ITK: variants seen among roughly 807,000 people sequenced by gnomAD.
The protein encoded by ITK is IL2 inducible T cell kinase, also known as tyrosine-protein kinase ITK/TSK.
In ITK, 45 loss-of-function variants were observed where a neutral mutation model predicts 87.6. The observed-to-expected ratio is 0.51, with a 90% CI of 0.40 to 0.66. ITK has a LOEUF of 0.66. Ranked by LOEUF, ITK falls within the 30% of genes least tolerant of loss-of-function variation. ITK has a pLI of 0.00. For missense variants in ITK, 605 were observed against 766.3 expected (o/e 0.79, Z 2.48); for synonymous variants, 303 against 273.6 (o/e 1.11, Z -1.06).
intron 1 of ITK, among the ~76,000 whole-genome samples, chr5:157,207,024 T>C (rs1194137261): frequency 6.6e-6 from 1 of 152,210 alleles, no homozygotes; most frequent in Middle Eastern, 3.2e-3. Context: ...TTAATAAAGC[T>C]GATTTTTAAA....
At chr5:157,190,454 C>T (rs1389098615) in intron 1 of ITK, among the ~76,000 whole-genome samples, 2 of 152,156 alleles carry the variant, frequency 1.3e-5, no homozygotes, top group African/African-American at 4.8e-5. Flanking sequence ...ATGTGAGGAA[C>T]GCAGTGGTAA....
chr5:157,242,960 C>A (rs1375508245), intron 11 of ITK, among the ~76,000 whole-genome samples: 2 of 152,320 alleles, frequency 1.3e-5, no homozygotes, highest in East Asian at 3.9e-4. Flanking sequence ...CCAGACCAAG[C>A]ACTGGGGAAA....
rs139655611 is a variant in ITK, at chr5:157,215,877, C to T, written c.454+1558C>T. ...CATGCATGCTGCAGCTATTCCTCTT[C>T]GGGGCGCAAGTATTTCCCTCCTCCA... On this transcript the variant is annotated intron_variant, in intron 4 of 16. Transcript: ENST00000422843. 1.7e-3 allele frequency among the ~76,000 whole-genome samples: 263 copies of T among 152,330 alleles called. 6 individuals are homozygous for T. Among genetic ancestry groups the T allele is most frequent in the Middle Eastern group, 6.8e-3 (2 of 294 alleles).
chr5:157,229,405 T>C (rs758085326), intron 7 of ITK, among the ~76,000 whole-genome samples: 4 of 152,240 alleles, frequency 2.6e-5, no homozygotes, highest in Non-Finnish European at 4.4e-5. Context: ...TTGTGTCTCC[T>C]TATGTGATGC....
chr5:157,214,279 G>A lies in ITK; in HGVS notation c.414G>A (p.Lys138=), dbSNP rs374781246. 23 of 1,612,676 alleles carry A rather than the reference G, an allele frequency of 1.4e-5. No individual in the cohort carries two copies. The highest frequency in any genetic ancestry group is 2.0e-5 in the Non-Finnish European group (23 of 1,178,762). The change falls in exon 4 of 17, where the codon AAG becomes AAA. Residue 138 remains lysine, a synonymous_variant. Transcript: ENST00000422843. ...GKWRCCSQLE[K]LATGCAQYDP... ...GGAGGTGCTGTTCTCAGCTGGAGAA[G>A]CTTGCAACAGGCTGTGCCCAATATG...
chr5:157,202,563 A>G (rs1301944367), intron 1 of ITK, among the ~76,000 whole-genome samples: 1 of 152,064 alleles, frequency 6.6e-6, no homozygotes, highest in Non-Finnish European at 1.5e-5. Context: ...GGTTAATTCT[A>G]TATCTTTGCT....
intron 1 of ITK, among the ~76,000 whole-genome samples, chr5:157,184,339 G>A (rs919557994): frequency 1.3e-5 from 2 of 152,184 alleles, no homozygotes; most frequent in Non-Finnish European, 2.9e-5. Context: ...CCAATGTGAT[G>A]TCTGCTGGCT....
At chr5:157,242,741 G>A (rs932604662) in intron 11 of ITK, among the ~76,000 whole-genome samples, 352 of 152,318 alleles carry the variant, frequency 2.3e-3, no homozygotes, top group African/African-American at 8.0e-3. Flanking sequence ...TTACAGGCAT[G>A]AGCCACTGTG....
In ITK at chr5:157,213,550, T is replaced by C. The variant is rs774584983; in HGVS notation, c.326-641T>C. 7.0e-6 allele frequency: 3 copies of C among 427,428 alleles called. 1 individual carries two copies. Among genetic ancestry groups the C allele is most frequent in the South Asian group, 4.8e-5 (3 of 62,960 alleles). 26.5% of individuals were successfully genotyped at this position (427,428 alleles called of 1,614,324 possible). ...ATGACACCATGCCCAGCTAACTTTT[T>C]TCTTTTTTTTTGGTAGAAAAGGGGT... On this transcript the variant is annotated intron_variant, in intron 3 of 16. Coordinates refer to ENST00000422843, the MANE Select transcript of ITK (RefSeq NM_005546.4).
At chr5:157,242,899 C>A (rs935455692) in intron 11 of ITK, among the ~76,000 whole-genome samples, 2 of 152,216 alleles carry the variant, frequency 1.3e-5, no homozygotes, top group African/African-American at 4.8e-5. Context: ...CTCAATACTG[C>A]CTGCTGTTGA....
intron 2 of ITK, 89 bp downstream of exon 2, chr5:157,209,082 T>C: frequency 1.1e-6 from 1 of 893,030 alleles, no homozygotes; most frequent in Non-Finnish European, 1.9e-6. Flanking sequence ...AAGCCTGTAA[T>C]CCTAGCACTT....
chr5:157,217,400 C>A (rs1281627323), intron 4 of ITK, among the ~76,000 whole-genome samples: 1 of 152,160 alleles, frequency 6.6e-6, no homozygotes, highest in Non-Finnish European at 1.5e-5. Flanking sequence ...ACTCAAAAAG[C>A]AGCACAATGA....
chr5:157,187,076 G>A (rs778612349), intron 1 of ITK, among the ~76,000 whole-genome samples: 5 of 152,190 alleles, frequency 3.3e-5, no homozygotes, highest in African/African-American at 7.2e-5. Flanking sequence ...TTTCTTCAAC[G>A]TTAAAGCCTC....
chr5:157,252,102 GTCTTCCT>G (rs1466561561), intron 16 of ITK, among the ~76,000 whole-genome samples: 1 of 152,146 alleles, frequency 6.6e-6, no homozygotes, highest in Non-Finnish European at 1.5e-5. Context: ...ACACTATAGT[GTCTTCCT>G]GTCCATGAAC....
intron 1 of ITK, among the ~76,000 whole-genome samples, chr5:157,182,656 T>C (rs1023161361): frequency 3.3e-5 from 5 of 152,200 alleles, no homozygotes; most frequent in Middle Eastern, 3.2e-3. Flanking sequence ...CTCAATGCTT[T>C]TTTGTGAATG....
Position 157,211,378 on chromosome 5 carries a change from C to T in ITK, c.325+10C>T, listed in dbSNP as rs746749131. The T allele has an allele frequency of 3.7e-6, 6 of 1,606,210 alleles. No individual in the cohort carries two copies. Among genetic ancestry groups the T allele is most frequent in the Non-Finnish European group, 5.1e-6 (6 of 1,172,858 alleles). Reference sequence around the variant, plus strand: ...CTGGCCCTTAAAGAAGGTAATTAAACTCCTTTGCCATTGAATCACTGACAC... The same window carrying T: ...CTGGCCCTTAAAGAAGGTAATTAAATTCCTTTGCCATTGAATCACTGACAC... On this transcript the variant is annotated intron_variant, in intron 3 of 16. Transcript: ENST00000422843.
intron 1 of ITK, among the ~76,000 whole-genome samples, chr5:157,188,146 C>T (rs1340057047): frequency 6.6e-6 from 1 of 152,128 alleles, no homozygotes; most frequent in Non-Finnish European, 1.5e-5. Flanking sequence ...TTACTTGTGA[C>T]ATTGAGCAGT....
In ITK at chr5:157,244,318, C is replaced by A; in HGVS notation, c.1289C>A (p.Pro430His). 2 of 1,614,190 alleles carry A rather than the reference C, an allele frequency of 1.2e-6. No individual in the cohort carries two copies. Among genetic ancestry groups the A allele is most frequent in the Non-Finnish European group, 1.7e-6 (2 of 1,180,046 alleles). ...TATGGGGTGTGCCTGGAGCAGGCCC[C>A]CATCTGCCTGGTGTTTGAGTTCATG... ...QLYGVCLEQA[P>H]ICLVFEFMEH... Residue 430 changes from proline to histidine, a missense_variant, in exon 13 of 17, where the codon CCC (proline) becomes CAC (histidine). Physicochemically the swap from Pro to His is moderately conservative, Grantham distance 77 (BLOSUM62 -2). Coordinates refer to ENST00000422843, the MANE Select transcript of ITK (RefSeq NM_005546.4).
intron 5 of ITK, 54 bp downstream of exon 5, chr5:157,217,961 G>T (rs1256456879): frequency 2.0e-6 from 3 of 1,482,038 alleles, no homozygotes; most frequent in African/African-American, 2.8e-5. Flanking sequence ...TACCTGATTG[G>T]CATGTTCCTA....
Sources: allele counts gnomAD v4.1 joint callset (sites outside exome capture counted in the v4.1 genomes callset), GRCh38; gene constraint gnomAD v4.1.1; transcripts MANE v1.5; gene names NCBI Gene and HGNC (gene_info 2026-07-23, HGNC 2026-07-21).